LRMDA: variants seen among roughly 807,000 people sequenced by gnomAD.
The protein encoded by LRMDA is leucine rich melanocyte differentiation associated.
A neutral mutation model predicts 29.8 loss-of-function variants in LRMDA; 18 were observed. The ratio of observed to expected loss-of-function variants is 0.60; its 90% CI spans 0.42 to 0.90. The LOEUF (loss-of-function observed/expected upper bound fraction) is 0.90, where lower values mean the gene tolerates loss of function less well. Among genes scored for constraint, LRMDA ranks in the 40% least tolerant of loss-of-function variants. The pLI is 0.00. For missense variants in LRMDA, 273 were observed against 273.9 expected (o/e 1.00, Z 0.02); for synonymous variants, 125 against 109.4 (o/e 1.14, Z -0.89).
intron 5 of LRMDA, among the ~76,000 whole-genome samples, chr10:76,167,061 G>C (rs1850754021): frequency 6.6e-6 from 1 of 152,142 alleles, no homozygotes; most frequent in Non-Finnish European, 1.5e-5. Flanking sequence ...CTAATTATCA[G>C]TGATGTTGAG....
chr10:75,590,150 C>T (rs1485545753), intron 2 of LRMDA, among the ~76,000 whole-genome samples: 1 of 151,770 alleles, frequency 6.6e-6, no homozygotes, highest in Non-Finnish European at 1.5e-5. Context: ...TCCAAAGTAG[C>T]TGGGACGACA....
At chr10:75,684,143 G>A (rs973845246) in intron 2 of LRMDA, among the ~76,000 whole-genome samples, 1 of 152,204 alleles carries the variant, frequency 6.6e-6, no homozygotes, top group East Asian at 1.9e-4. Flanking sequence ...AAATTAGAAA[G>A]CAGTGTGAGG....
At chr10:76,292,616 CT>C (rs1477365017) in intron 5 of LRMDA, among the ~76,000 whole-genome samples, 2 of 152,048 alleles carry the variant, frequency 1.3e-5, no homozygotes, top group African/African-American at 4.8e-5. Context: ...TAATGATAGG[CT>C]TTACTTCCAT....
chr10:75,646,166 A>G (rs909768700), intron 2 of LRMDA, among the ~76,000 whole-genome samples: 11 of 151,984 alleles, frequency 7.2e-5, no homozygotes, highest in Admixed American at 3.9e-4. Flanking sequence ...TTGTGTCAGC[A>G]TGTTTTAGAC....
intron 2 of LRMDA, among the ~76,000 whole-genome samples, chr10:75,890,963 C>A (rs1845476543): frequency 6.6e-6 from 1 of 151,892 alleles, no homozygotes; most frequent in Non-Finnish European, 1.5e-5. Context: ...AATTAGTTGG[C>A]CATGGTGGCA....
intron 2 of LRMDA, among the ~76,000 whole-genome samples, chr10:75,803,572 G>C (rs1285732423): frequency 6.6e-6 from 1 of 152,184 alleles, no homozygotes; most frequent in Non-Finnish European, 1.5e-5. Flanking sequence ...ACCTCTCTGT[G>C]TTTCAGTTTC....
At chr10:76,436,733 ACTTTAT>A (rs765845204) in intron 6 of LRMDA, among the ~76,000 whole-genome samples, 3 of 152,160 alleles carry the variant, frequency 2.0e-5, no homozygotes, top group Non-Finnish European at 2.9e-5. Flanking sequence ...ACGTCCATTC[ACTTTAT>A]CTTTAGCCAT....
At chr10:75,992,308 G>T (rs533376632) in intron 2 of LRMDA, among the ~76,000 whole-genome samples, 22 of 152,296 alleles carry the variant, frequency 1.4e-4, no homozygotes, top group Middle Eastern at 3.4e-3. Context: ...CATGAAGAAA[G>T]ATGTACATGT....
intron 6 of LRMDA, among the ~76,000 whole-genome samples, chr10:76,545,638 T>TTTTTTA (rs367744493): frequency 7.0e-6 from 1 of 143,776 alleles, no homozygotes; most frequent in African/African-American, 2.5e-5. Flanking sequence ...GGAACAACCT[T>TTTTTTA]TTATTATTAT....
At chr10:75,920,638 C>T (rs973156945) in intron 2 of LRMDA, among the ~76,000 whole-genome samples, 6 of 152,120 alleles carry the variant, frequency 3.9e-5, no homozygotes, top group Admixed American at 6.5e-5. Flanking sequence ...GGCAGAGCTG[C>T]GTTATCCTTA....
chr10:75,836,801 CT>C (rs921997618), intron 2 of LRMDA, among the ~76,000 whole-genome samples: 6 of 152,108 alleles, frequency 3.9e-5, no homozygotes, highest in African/African-American at 1.4e-4. Context: ...TTTTCTTTTT[CT>C]TAAACTCCTG....
At chr10:75,452,509 G>C (rs1299619934) in intron 2 of LRMDA, among the ~76,000 whole-genome samples, 1 of 149,622 alleles carries the variant, frequency 6.7e-6, no homozygotes, top group Non-Finnish European at 1.5e-5. Context: ...AGCCTTTTTT[G>C]GATCGGGTTT....
At chr10:76,434,350 T>C (rs1333153580) in intron 6 of LRMDA, among the ~76,000 whole-genome samples, 1 of 152,046 alleles carries the variant, frequency 6.6e-6, no homozygotes, top group African/African-American at 2.4e-5. Flanking sequence ...TTTAATTTTC[T>C]TCCTTTCTCT....
intron 2 of LRMDA, among the ~76,000 whole-genome samples, chr10:75,603,289 G>A (rs1214128551): frequency 1.3e-5 from 2 of 151,590 alleles, no homozygotes; most frequent in East Asian, 1.9e-4. Context: ...TCAAGTTTAG[G>A]GTCTGTTTCA....
At chr10:75,593,242 A>C (rs1235399213) in intron 2 of LRMDA, among the ~76,000 whole-genome samples, 1 of 152,210 alleles carries the variant, frequency 6.6e-6, no homozygotes, top group Non-Finnish European at 1.5e-5. Context: ...CTGGGCACCA[A>C]ACCTGTTTTT....
At chr10:76,156,199 A>T (rs1337110777) in intron 5 of LRMDA, among the ~76,000 whole-genome samples, 2 of 152,140 alleles carry the variant, frequency 1.3e-5, no homozygotes, top group Admixed American at 1.3e-4. Context: ...TTAGTTTACC[A>T]TCTGAGCTGC....
intron 2 of LRMDA, among the ~76,000 whole-genome samples, chr10:75,684,621 C>T (rs1842061766): frequency 6.6e-6 from 1 of 152,230 alleles, no homozygotes; most frequent in African/African-American, 2.4e-5. Context: ...AGCCTGCCAT[C>T]AACTTGACTT....
chr10:75,600,763 C>T (rs1358723807), intron 2 of LRMDA, among the ~76,000 whole-genome samples: 2 of 152,170 alleles, frequency 1.3e-5, no homozygotes, highest in African/African-American at 4.8e-5. Context: ...AATAAAAAAT[C>T]TAAAAGAAAG....
intron 2 of LRMDA, among the ~76,000 whole-genome samples, chr10:75,770,243 A>G (rs1322782697): frequency 2.0e-5 from 3 of 151,992 alleles, no homozygotes; most frequent in Non-Finnish European, 4.4e-5. Context: ...TTGAGTTCTG[A>G]TCTCACCACT....
Sources: gnomAD v4.1 joint callset for allele counts (sites outside exome capture counted in the v4.1 genomes callset) on GRCh38, gnomAD v4.1.1 for gene constraint, MANE v1.5 for transcripts, NCBI Gene and HGNC (gene_info 2026-07-23, HGNC 2026-07-21) for gene names.